The following SPINK5 variants were observed in gnomAD, a reference collection of about 807,000 sequenced individuals.
SPINK5 encodes serine peptidase inhibitor Kazal type 5.
In SPINK5, 125 loss-of-function variants were observed where a neutral mutation model predicts 151.8. That is an observed-to-expected ratio of 0.82 (90% confidence interval 0.71 to 0.96). The LOEUF is 0.96. SPINK5 is among the 40% of genes least tolerant of loss of function. The pLI, the probability that SPINK5 is intolerant of heterozygous loss-of-function variation, is 0.00. For missense variants in SPINK5, 1,194 were observed against 1,291.9 expected, an observed-to-expected ratio of 0.92 and a Z score of 1.16; for synonymous variants, 374 against 395.3, an observed-to-expected ratio of 0.95 and a Z score of 0.64.
intron 4 of SPINK5, among the ~76,000 whole-genome samples, chr5:148,072,690 A>C (rs1752771334): frequency 6.8e-6 from 1 of 147,308 alleles, no homozygotes; most frequent in Admixed American, 6.9e-5. Flanking sequence ...AGGGTTTAAC[A>C]TGTTCTAGCA....
At chr5:148,072,588 C>G (rs1175391649) in intron 4 of SPINK5, among the ~76,000 whole-genome samples, 1 of 151,922 alleles carries the variant, frequency 6.6e-6, no homozygotes, top group Non-Finnish European at 1.5e-5. Flanking sequence ...GCTTGTGTAA[C>G]TTAGAAAATT....
intron 15 of SPINK5, among the ~76,000 whole-genome samples, chr5:148,103,582 G>A (rs1753702489): frequency 6.6e-6 from 1 of 152,014 alleles, no homozygotes; most frequent in Non-Finnish European, 1.5e-5. Context: ...GGTTAGATCG[G>A]TTTTCATATA....
intron 30 of SPINK5, among the ~76,000 whole-genome samples, chr5:148,127,952 G>A (rs1024418900): frequency 3.9e-5 from 6 of 152,276 alleles, no homozygotes; most frequent in Admixed American, 1.3e-4. Context: ...GCCTTCACAA[G>A]ATGAGGAGTA....
At chr5:148,082,158 A>G (rs1222242089) in intron 4 of SPINK5, among the ~76,000 whole-genome samples, 3 of 151,022 alleles carry the variant, frequency 2.0e-5, no homozygotes, top group Non-Finnish European at 4.4e-5. Context: ...GGTCAGTCCT[A>G]CTAGAAATCT....
At chr5:148,093,295 A>G (rs1363732003) in intron 8 of SPINK5, among the ~76,000 whole-genome samples, 4 of 151,878 alleles carry the variant, frequency 2.6e-5, no homozygotes, top group Non-Finnish European at 4.4e-5. Context: ...AGTAGCCTGA[A>G]AGTATTGAAC....
chr5:148,087,645 G>A (rs971643707), intron 5 of SPINK5, among the ~76,000 whole-genome samples: 8 of 151,784 alleles, frequency 5.3e-5, no homozygotes, highest in Non-Finnish European at 1.2e-4. Flanking sequence ...GTATGAGCAT[G>A]CTATATATTT....
At position 148,086,548 on chromosome 5, in the gene SPINK5, A is replaced by C. The variant is rs775311063; in HGVS notation, c.410+16A>C. 3.1e-6 allele frequency: 5 copies of C among 1,609,756 alleles called. No individual in the cohort carries two copies. The highest frequency in any genetic ancestry group is 1.7e-5 in the Admixed American group (1 of 59,802). On this transcript the variant is annotated intron_variant, in intron 5 of 32. Coordinates refer to ENST00000256084, the MANE Select transcript of SPINK5 (RefSeq NM_006846.4). ...CTGAGAATGCGTGAGTATTCTCTGA[A>C]GTAGGCTTTCTCCCTAAAACGTGTT...
At chr5:148,125,404 A>G in intron 28 of SPINK5, 1 of 863,130 alleles carries the variant, frequency 1.2e-6, no homozygotes. Context: ...TCCCTGAGCA[A>G]TTGTCCTTTT....
chr5:148,105,123 A>G (rs1753748490), intron 16 of SPINK5, 123 bp downstream of exon 16: 1 of 1,098,426 alleles, frequency 9.1e-7, no homozygotes, highest in East Asian at 2.6e-5. Flanking sequence ...AATGAAGAAC[A>G]TTTTTAACCT....
At chr5:148,128,360 G>A (rs1275731932) in intron 30 of SPINK5, among the ~76,000 whole-genome samples, 2 of 151,918 alleles carry the variant, frequency 1.3e-5, no homozygotes, top group African/African-American at 4.8e-5. Flanking sequence ...CAGACCAGTA[G>A]CCCCCTCATT....
intron 15 of SPINK5, 118 bp downstream of exon 15, chr5:148,102,026 G>T: frequency 6.9e-7 from 1 of 1,455,174 alleles, no homozygotes; most frequent in Non-Finnish European, 9.5e-7. Flanking sequence ...TCAGTCTTGG[G>T]TGTCATATTT....
In SPINK5 at chr5:148,101,342, C is replaced by T; in HGVS notation, c.1221-13C>T. 6.3e-7 allele frequency: 1 copy of T among 1,583,052 alleles called. No homozygotes were observed. Among genetic ancestry groups the T allele is most frequent in the Non-Finnish European group, 8.7e-7 (1 of 1,151,976 alleles). ...TGATTTTTACTTATCTCTTCTTAAC[C>T]ATCCTTTTTTAGCCAAGCAGAAGAA... is the stretch of plus-strand genomic sequence containing the variant. On this transcript the variant is annotated splice_polypyrimidine_tract_variant and intron_variant, in intron 13 of 32. Transcript: ENST00000256084.
chr5:148,105,305 A>G (rs1220146474), intron 16 of SPINK5, among the ~76,000 whole-genome samples: 1 of 152,170 alleles, frequency 6.6e-6, no homozygotes, highest in African/African-American at 2.4e-5. Flanking sequence ...TATGCCATTT[A>G]CTAATTTCAA....
chr5:148,136,363 C>T (rs919298867), intron 32 of SPINK5, among the ~76,000 whole-genome samples: 3 of 152,074 alleles, frequency 2.0e-5, no homozygotes, highest in African/African-American at 7.2e-5. Context: ...TTGATATAGG[C>T]AATGAAGTGG....
intron 31 of SPINK5, 29 bp from the exon 32 acceptor site, chr5:148,133,768 T>G: frequency 6.2e-7 from 1 of 1,610,366 alleles, no homozygotes; most frequent in African/African-American, 1.3e-5. Context: ...AACTTCCTCG[T>G]TGTTGAAGCA....
intron 8 of SPINK5, among the ~76,000 whole-genome samples, 160 bp from the exon 9 acceptor site, chr5:148,094,194 G>A (rs1753391503): frequency 6.6e-6 from 1 of 151,884 alleles, no homozygotes; most frequent in East Asian, 1.9e-4. Flanking sequence ...TAGTTAGGAA[G>A]CTGAGGTGGA....
In SPINK5 at chr5:148,119,055, G is replaced by A. The variant is rs1198399118; in HGVS notation, c.2310G>A (p.Gly770=). 2 of 1,613,984 alleles carry A rather than the reference G, an allele frequency of 1.2e-6. No homozygotes were observed. The highest frequency in any genetic ancestry group is 2.2e-5 in the East Asian group (1 of 44,860). ...SRSNGTGSES[G]KDTCDEFRSQ... ...CAAATGGGACTGGATCAGAATCAGG[G>A]AAGGTGAGTTATTTTTTGGGTTTTG... Residue 770 remains glycine, a synonymous_variant, in exon 24 of 33, where the codon GGG becomes GGA. Coordinates refer to ENST00000256084, the MANE Select transcript of SPINK5 (RefSeq NM_006846.4).
At chr5:148,113,004 T>C in intron 20 of SPINK5, 70 bp downstream of exon 20, 24 of 1,590,682 alleles carry the variant, frequency 1.5e-5, no homozygotes, top group Non-Finnish European at 2.1e-5. Context: ...AAAATAACTA[T>C]GGAATTACTG....
In SPINK5 at chr5:148,104,982, T is replaced by A. The variant is rs750918436; in HGVS notation, c.1461T>A (p.Ala487=). 1 of 1,613,978 alleles carries A rather than the reference T, an allele frequency of 6.2e-7. No individual in the cohort carries two copies. Among genetic ancestry groups the A allele is most frequent in the Admixed American group, 1.7e-5 (1 of 60,006 alleles). ...AAGAAGAAAGAGCAAGAGCAAAGGCTAAAAGAGAAGCTGCAAAGGTAATAT... is the reference window on the plus strand; with the variant it reads ...AAGAAGAAAGAGCAAGAGCAAAGGCAAAAAGAGAAGCTGCAAAGGTAATAT... ...FQQEERARAK[A]KREAAKEICS... Residue 487 remains alanine, a synonymous_variant, in exon 16 of 33, where the codon GCT becomes GCA. Coordinates refer to ENST00000256084, the MANE Select transcript of SPINK5 (RefSeq NM_006846.4).
Sources: gnomAD v4.1 joint callset for allele counts (sites outside exome capture counted in the v4.1 genomes callset) on GRCh38, gnomAD v4.1.1 for gene constraint, MANE v1.5 for transcripts, NCBI Gene and HGNC (gene_info 2026-07-23, HGNC 2026-07-21) for gene names.